NSD2: variants seen among roughly 807,000 people sequenced by gnomAD.
The protein encoded by NSD2 is histone-lysine N-methyltransferase NSD2.
Under a neutral mutation model 139.0 loss-of-function variants are expected in NSD2, and 12 were observed. The ratio of observed to expected loss-of-function variants is 0.09; its 90% CI spans 0.06 to 0.14. NSD2 has a LOEUF of 0.14. NSD2 is among the 10% of genes least tolerant of loss of function. The probability of loss-of-function intolerance (pLI) is 1.00; values close to 1 mark genes in which losing one functional copy is unlikely to be tolerated. For synonymous variants in NSD2, 669 were observed against 648.7 expected, an observed-to-expected ratio of 1.03 and a Z score of -0.48; for missense variants, 1,155 against 1,745.0, an observed-to-expected ratio of 0.66 and a Z score of 6.02.
chr4:1,871,686 T>G, intron 1 of NSD2, 144 bp downstream of exon 1: 1 of 143,510 alleles, frequency 7.0e-6, no homozygotes, highest in East Asian at 2.1e-4. Flanking sequence ...GTGGGGGCAC[T>G]GAGGAGGCCT....
intron 10 of NSD2, among the ~76,000 whole-genome samples, chr4:1,951,555 G>A (rs1032132231): frequency 3.4e-5 from 5 of 148,316 alleles, no homozygotes; most frequent in Admixed American, 6.7e-5. Context: ...GAGGTGCTAG[G>A]CCTGTTTTAG....
intron 1 of NSD2, among the ~76,000 whole-genome samples, chr4:1,889,228 C>T (rs1282043029): frequency 6.6e-6 from 1 of 151,920 alleles, no homozygotes; most frequent in African/African-American, 2.4e-5. Flanking sequence ...ACAGGGTCTT[C>T]TTCTGCCACT....
intron 5 of NSD2, among the ~76,000 whole-genome samples, chr4:1,930,186 G>A (rs1721474781): frequency 6.6e-6 from 1 of 152,124 alleles, no homozygotes; most frequent in Non-Finnish European, 1.5e-5. Flanking sequence ...CCCCTGCCCA[G>A]GGCCTGTACC....
At chr4:1,951,768 C>T (rs915450141) in intron 10 of NSD2, among the ~76,000 whole-genome samples, 1 of 152,182 alleles carries the variant, frequency 6.6e-6, no homozygotes, top group Admixed American at 6.5e-5. Context: ...CTGCCGTCAG[C>T]GTGGCACCTG....
chr4:1,961,461 ATCT>A (rs938732052), intron 18 of NSD2, among the ~76,000 whole-genome samples: 1 of 152,216 alleles, frequency 6.6e-6, no homozygotes, highest in Non-Finnish European at 1.5e-5. Context: ...AAGTCTCAGC[ATCT>A]TCTTTTGTTT....
chr4:1,905,508 C>T (rs1172507271), intron 3 of NSD2, among the ~76,000 whole-genome samples: 2 of 152,352 alleles, frequency 1.3e-5, no homozygotes, highest in Admixed American at 6.5e-5. Context: ...GTGGGGGCAG[C>T]GTTGCTGCCC....
Position 1,955,930 on chromosome 4 carries a change from A to G in NSD2, c.2676-53A>G. On this transcript the variant is annotated intron_variant, in intron 14 of 21. Coordinates refer to ENST00000508803, the MANE Select transcript of NSD2 (RefSeq NM_001042424.3). The surrounding 1 kb of genome is among the most constrained non-coding windows in gnomAD (Gnocchi z 4.7). ...TTACAGTACTTAAAGTATTGAAATT[A>G]TTATCGCTGTCTCTGAGGAGTCTGT... 6.2e-7 allele frequency: 1 copy of G among 1,611,056 alleles called. No individual in the cohort carries two copies. The highest frequency in any genetic ancestry group is 8.5e-7 in the Non-Finnish European group (1 of 1,178,094).
At chr4:1,951,580 T>G (rs145326480) in intron 10 of NSD2, among the ~76,000 whole-genome samples, 2,252 of 147,590 alleles carry the variant, frequency 0.015, 32 homozygotes, top group Non-Finnish European at 0.021. Context: ...ACTGATGACA[T>G]GCACACTGGA....
intron 9 of NSD2, among the ~76,000 whole-genome samples, chr4:1,949,509 T>A (rs1723988705): frequency 6.6e-6 from 1 of 152,098 alleles, no homozygotes; most frequent in African/African-American, 2.4e-5. Flanking sequence ...ATGCCTGTAA[T>A]CCCAGCACTT....
At chr4:1,909,186 C>T (rs774150914) in intron 3 of NSD2, among the ~76,000 whole-genome samples, 6 of 152,094 alleles carry the variant, frequency 3.9e-5, no homozygotes, top group Non-Finnish European at 7.4e-5. Context: ...GACATGTCCC[C>T]GTCAGCCCTT....
intron 18 of NSD2, among the ~76,000 whole-genome samples, chr4:1,965,337 AAAG>A (rs1725778155): frequency 6.6e-6 from 1 of 152,230 alleles, no homozygotes; most frequent in African/African-American, 2.4e-5. Flanking sequence ...GAGAAACAGA[AAAG>A]AAGATTGAAG....
intron 6 of NSD2, among the ~76,000 whole-genome samples, chr4:1,933,689 C>T (rs556378538): frequency 5.3e-5 from 8 of 152,240 alleles, no homozygotes; most frequent in Admixed American, 2.0e-4. Context: ...CCACCGCGCC[C>T]GGCCCTGCAA....
rs549159092 is a variant in NSD2, at chr4:1,916,603, A to G, written c.761-268A>G. ...TCAATCTCCCTGCCTCGGCCTCCCA[A>G]AGTGGTGGGATTACAGGCGTGAGGG... On this transcript the variant is annotated intron_variant, in intron 3 of 21. Transcript: ENST00000508803. Among the ~76,000 whole-genome samples, 19 of 152,276 alleles carry G rather than the reference A, an allele frequency of 1.2e-4. No homozygotes were observed. In the South Asian group the frequency reaches 3.5e-3, roughly 28 times the overall value.
At chr4:1,944,273 T>C (rs910262108) in intron 9 of NSD2, 20 of 1,065,716 alleles carry the variant, frequency 1.9e-5, no homozygotes, top group African/African-American at 4.9e-5. Context: ...CTGAAGGAGG[T>C]GGGTGGAAAC....
intron 1 of NSD2, among the ~76,000 whole-genome samples, chr4:1,884,541 G>C (rs1192671216): frequency 1.3e-5 from 2 of 151,930 alleles, no homozygotes; most frequent in Admixed American, 1.3e-4. Context: ...TTACAGACAT[G>C]TGCCACCACG....
At chr4:1,977,149 CCA>C (rs1423994845) in intron 21 of NSD2, among the ~76,000 whole-genome samples, 4 of 152,226 alleles carry the variant, frequency 2.6e-5, no homozygotes, top group Non-Finnish European at 5.9e-5. Context: ...CAGGCTGTCC[CCA>C]GAGATGGTGC....
At chr4:1,977,790 CAAA>C (rs111398358) in intron 21 of NSD2, among the ~76,000 whole-genome samples, 6 of 96,080 alleles carry the variant, frequency 6.2e-5, no homozygotes, top group East Asian at 3.4e-4. Flanking sequence ...AGACTCCACT[CAAA>C]AAAAAAAAAA....
intron 1 of NSD2, among the ~76,000 whole-genome samples, chr4:1,883,158 A>G (rs1379940126): frequency 6.6e-6 from 1 of 152,218 alleles, no homozygotes; most frequent in Non-Finnish European, 1.5e-5. Context: ...CCAGATGGCT[A>G]GAGGTGCCAT....
chr4:1,896,828 TTCTTC>T (rs1054717117), intron 1 of NSD2, among the ~76,000 whole-genome samples: 8 of 151,958 alleles, frequency 5.3e-5, no homozygotes, highest in East Asian at 3.9e-4. Context: ...TTCTTTTCCT[TTCTTC>T]TCTTCTCTTT....
Sources: gnomAD v4.1 joint callset for allele counts (sites outside exome capture counted in the v4.1 genomes callset) on GRCh38, gnomAD v4.1.1 for gene constraint, Gnocchi (gnomAD v3.1) non-coding constraint, MANE v1.5 for transcripts, NCBI Gene and HGNC (gene_info 2026-07-23, HGNC 2026-07-21) for gene names.